The following LMTK3 variants were observed in gnomAD, a reference collection of about 807,000 sequenced individuals.
LMTK3 encodes the protein serine/threonine-protein kinase LMTK3.
A neutral mutation model predicts 116.7 loss-of-function variants in LMTK3; 27 were observed. The ratio of observed to expected loss-of-function variants is 0.23; its 90% CI spans 0.17 to 0.32. The LOEUF is 0.32. Ranked by LOEUF, LMTK3 falls within the 10% of genes least tolerant of loss-of-function variation. LMTK3 has a pLI of 1.00. For missense variants in LMTK3, 1,764 were observed against 2,068.5 expected, an observed-to-expected ratio of 0.85 and a Z score of 2.86; for synonymous variants, 965 against 971.0, an observed-to-expected ratio of 0.99 and a Z score of 0.11.
intron 14 of LMTK3, among the ~76,000 whole-genome samples, chr19:48,490,605 AAC>A (rs1569099057): frequency 6.6e-6 from 1 of 151,964 alleles, no homozygotes; most frequent in Non-Finnish European, 1.5e-5. Flanking sequence ...AAATGGGTTA[AAC>A]TGTGGTGAGG....
In LMTK3 at chr19:48,491,439, G is replaced by A. The variant is rs953354358; in HGVS notation, c.4193C>T (p.Pro1398Leu). ...APPTPPHPAT[P>L]GDGFPSNDSG... ...GTCGTTGCTGGGAAACCCATCTCCG[G>A]GGGTGGCGGGGTGGGGAGGTGTCGG... The change falls in exon 13 of 15, where the codon CCC becomes CTC. Residue 1398 changes from proline to leucine, a missense_variant. Pro to Leu is a moderately conservative substitution (Grantham distance 98). Transcript: ENST00000600059. The surrounding 1 kb of genome is among the most constrained non-coding windows in gnomAD (Gnocchi z 5.1). 10 of 1,427,412 alleles carry A rather than the reference G, an allele frequency of 7.0e-6. No homozygotes were observed. Among genetic ancestry groups the A allele is most frequent in the Non-Finnish European group, 9.2e-6 (10 of 1,089,990 alleles). The allele number at this position is 1,427,412 out of a possible 1,614,324, so 88.4% of individuals were successfully genotyped here. A position where few individuals can be genotyped will look rare whatever the true frequency, so the allele number is the denominator to read the frequency against.
In LMTK3 at chr19:48,501,375, C is replaced by T. The variant is rs780433823; in HGVS notation, c.909G>A (p.Leu303=). 46 of 1,613,082 alleles carry T rather than the reference C, an allele frequency of 2.9e-5. No homozygotes were observed. The highest frequency in any genetic ancestry group is 3.6e-5 in the Non-Finnish European group (42 of 1,179,758). The change falls in exon 9 of 15, where the codon CTG becomes CTA. Residue 303 remains leucine, a synonymous_variant. Coordinates refer to ENST00000600059, the MANE Select transcript of LMTK3 (RefSeq NM_001388485.1). The part of the protein sequence containing the change: ...KEDYYLTPER[L]WIPLRWAAPE... ...GCGCCGCCCAGCGCAGTGGGATCCA[C>T]AGGCGCTCTGGGGTCAGGTAGTAGT...
chr19:48,502,702 CTGCT>C (rs1972494711), intron 6 of LMTK3, 121 bp from the exon 7 acceptor site: 2 of 1,220,898 alleles, frequency 1.6e-6, no homozygotes, highest in East Asian at 2.6e-5. Context: ...GTTTCCTCTG[CTGCT>C]TGCAGCAGGT....
upstream of LMTK3, chr19:48,513,373 G>A (rs1569109252): frequency 4.9e-6 from 3 of 610,730 alleles, no homozygotes; most frequent in Non-Finnish European, 8.9e-6. The surrounding 1 kb of genome is among the most constrained non-coding windows in gnomAD (Gnocchi z 5.6). Flanking sequence ...GGCACAGCGC[G>A]GGGTAGTCAC....
chr19:48,506,964 A>G (rs1450274434), intron 5 of LMTK3, among the ~76,000 whole-genome samples: 1 of 151,980 alleles, frequency 6.6e-6, no homozygotes, highest in African/African-American at 2.4e-5. Flanking sequence ...GTGCCTGGCC[A>G]ATTTTTTTGT....
At chr19:48,493,127 C>G (rs1273056856) in intron 12 of LMTK3, among the ~76,000 whole-genome samples, 3 of 151,680 alleles carry the variant, frequency 2.0e-5, no homozygotes, top group Non-Finnish European at 1.5e-5. Flanking sequence ...GCGCCACAGA[C>G]TTGGCCTCCC....
chr19:48,513,156 C>T (rs2147566733), upstream of LMTK3: 2 of 1,603,456 alleles, frequency 1.2e-6, no homozygotes, highest in South Asian at 1.1e-5. This position sits in a 1 kb window ranked among gnomAD's most constrained non-coding sequence, Gnocchi z 5.6. Flanking sequence ...CGTGCGGTTA[C>T]GCAGACATTA....
chr19:48,502,878 C>G (rs769697919), intron 6 of LMTK3, 31 bp downstream of exon 6: 2 of 1,542,828 alleles, frequency 1.3e-6, no homozygotes, highest in Admixed American at 3.5e-5. Flanking sequence ...GCTGCCCCCT[C>G]TGCCCTTCCC....
chr19:48,485,885 C>T, intron 14 of LMTK3, 96 bp from the exon 15 acceptor site: 1 of 1,255,482 alleles, frequency 8.0e-7, no homozygotes, highest in Non-Finnish European at 1.1e-6. Flanking sequence ...CCCTCACCCA[C>T]CATGGCCCAA....
At chr19:48,508,026 G>A (rs1301567243) in intron 5 of LMTK3, among the ~76,000 whole-genome samples, 4 of 152,160 alleles carry the variant, frequency 2.6e-5, no homozygotes. Context: ...TGAGCAAGGA[G>A]TGATATTCTA....
At chr19:48,504,114 C>T (rs1417600142) in intron 5 of LMTK3, among the ~76,000 whole-genome samples, 5 of 152,144 alleles carry the variant, frequency 3.3e-5, no homozygotes, top group African/African-American at 9.7e-5. Flanking sequence ...GTGATACGCC[C>T]GCCTCAGCCT....
At chr19:48,495,769 G>A (rs936797991) in intron 11 of LMTK3, among the ~76,000 whole-genome samples, 9 of 152,212 alleles carry the variant, frequency 5.9e-5, no homozygotes, top group Non-Finnish European at 7.3e-5. Context: ...TTTCATACCC[G>A]TATTTAAAGA....
In LMTK3 at chr19:48,499,260, G is replaced by T; in HGVS notation, c.1809C>A (p.Gly603=). Residue 603 remains glycine (G), a synonymous_variant, in exon 11 of 15, where the codon GGC becomes GGA. Transcript: ENST00000600059. The stretch of plus-strand genomic sequence containing the variant: ...GGTCCCAGCCGCTCAGCAGGAAGCT[G>T]CCTGACGCTGAGGACTGGGCTGGGA... ...RPFPAQSSAS[G]SFLLSGWDPE... is the part of the protein sequence containing the mutation. 1 of 1,398,456 alleles carries T rather than the reference G, an allele frequency of 7.2e-7. No individual in the cohort carries two copies. The highest frequency in any genetic ancestry group is 9.3e-7 in the Non-Finnish European group (1 of 1,073,768). The allele number at this position is 1,398,456 out of a possible 1,614,324, so 86.6% of individuals were successfully genotyped here.
intron 7 of LMTK3, 76 bp downstream of exon 7, chr19:48,502,357 T>G: frequency 2.2e-6 from 3 of 1,364,268 alleles, no homozygotes; most frequent in Non-Finnish European, 3.0e-6. Flanking sequence ...GCCCCCCCTC[T>G]AGCCCCTCCC....
At chr19:48,511,177 T>C (rs1972651885) in intron 1 of LMTK3, among the ~76,000 whole-genome samples, 4 of 152,198 alleles carry the variant, frequency 2.6e-5, no homozygotes, top group Admixed American at 2.6e-4. Context: ...GTGTCCCCCT[T>C]AGAAATAGTA....
Position 48,511,520 on chromosome 19 carries a change from C to A in LMTK3, c.57G>T (p.Leu19=). 1 of 1,404,620 alleles carries A rather than the reference C, an allele frequency of 7.1e-7. No homozygotes were observed. Among genetic ancestry groups the A allele is most frequent in the Non-Finnish European group, 9.4e-7 (1 of 1,066,788 alleles). 87.0% of individuals were successfully genotyped at this position (1,404,620 alleles called of 1,614,324 possible). A position where few individuals can be genotyped will look rare whatever the true frequency, so the allele number is the denominator to read the frequency against. ...ACTCACCGGGGTGGGCCGGGGACGC[C>A]AGGCAGCCGGAGGCGGAGACGGCCG... ...LLAAVSASGC[L]ASPAHPDGFA... The change falls in exon 1 of 15, where the codon CTG becomes CTT. Residue 19 remains leucine, a synonymous_variant. Transcript: ENST00000600059.
At position 48,498,735 on chromosome 19, in the gene LMTK3, A is replaced by T; in HGVS notation, c.2334T>A (p.Ser778Arg). ...CCGGCGACGAGAGGCCTGAACCGGGACTGGCCACGGCCGAAGGGGGGTCGG... is the reference window on the plus strand; with the variant it reads ...CCGGCGACGAGAGGCCTGAACCGGGTCTGGCCACGGCCGAAGGGGGGTCGG... The part of the protein sequence containing the change: ...ASPDPPSAVA[S>R]PGSGLSSPGP... The change falls in exon 11 of 15, where the codon AGT becomes AGA. Residue 778 changes from serine (S) to arginine (R), a missense_variant. By Grantham distance (110) the Ser-to-Arg change is moderately radical. Transcript: ENST00000600059. 4 of 1,505,676 alleles carry T rather than the reference A, an allele frequency of 2.7e-6. No individual in the cohort carries two copies. The highest frequency in any genetic ancestry group is 3.5e-6 in the Non-Finnish European group (4 of 1,130,412). The allele number at this position is 1,505,676 out of a possible 1,614,324, so 93.3% of individuals were successfully genotyped here. A position where few individuals can be genotyped will look rare whatever the true frequency, so the allele number is the denominator to read the frequency against.
At chr19:48,510,347 T>C in intron 2 of LMTK3, 112 bp downstream of exon 2, 1 of 1,459,094 alleles carries the variant, frequency 6.9e-7, no homozygotes, top group Non-Finnish European at 9.2e-7. Flanking sequence ...AGCTTCAAGC[T>C]GGAAGGTGCT....
Position 48,499,591 on chromosome 19 carries a change from CCCCCACCCCGGCCGG to C in LMTK3, c.1463_1477del (p.Ala488_Gly492del), listed in dbSNP as rs1289949088. 3.9e-6 allele frequency: 6 copies of C among 1,536,004 alleles called. No individual in the cohort carries two copies. Among genetic ancestry groups the C allele is most frequent in the South Asian group, 1.2e-5 (1 of 83,270 alleles). ...CGACGCCGGCTGCCAGGCAGGTGCCCCCCCACCCCGGCCGGCCCCACGCCGGGCCTTCTCCCACAG... is the reference window on the plus strand; with the variant it reads ...CGACGCCGGCTGCCAGGCAGGTGCCCCCCCACGCCGGGCCTTCTCCCACAG... On this transcript the variant is annotated inframe_deletion, in exon 11 of 15. Transcript: ENST00000600059.
Sources: gnomAD v4.1 joint callset for allele counts (sites outside exome capture counted in the v4.1 genomes callset) on GRCh38, gnomAD v4.1.1 for gene constraint, Gnocchi (gnomAD v3.1) non-coding constraint, MANE v1.5 for transcripts, NCBI Gene and HGNC (gene_info 2026-07-23, HGNC 2026-07-21) for gene names.